The following RABGAP1L variants were observed in gnomAD, a reference collection of about 807,000 sequenced individuals.
RABGAP1L encodes RAB GTPase activating protein 1 like.
A neutral mutation model predicts 137.7 loss-of-function variants in RABGAP1L; 63 were observed. The ratio of observed to expected loss-of-function variants is 0.46; its 90% CI spans 0.37 to 0.56. The LOEUF (loss-of-function observed/expected upper bound fraction) is 0.56. Among genes scored for constraint, RABGAP1L ranks in the 20% least tolerant of loss-of-function variants. The pLI, the probability that RABGAP1L is intolerant of heterozygous loss-of-function variation, is 0.00. For synonymous variants in RABGAP1L, 431 were observed against 433.7 expected (o/e 0.99, Z 0.08); for missense variants, 1,095 against 1,244.0 (o/e 0.88, Z 1.80).
chr1:174,565,581 G>A (rs1384930625), intron 13 of RABGAP1L, among the ~76,000 whole-genome samples: 1 of 152,014 alleles, frequency 6.6e-6, no homozygotes, highest in African/African-American at 2.4e-5. Flanking sequence ...TTAATATTAA[G>A]CTGATTGTCA....
At chr1:174,491,293 T>C (rs924069463) in intron 13 of RABGAP1L, among the ~76,000 whole-genome samples, 1 of 151,924 alleles carries the variant, frequency 6.6e-6, no homozygotes, top group Admixed American at 6.6e-5. Flanking sequence ...GGTGATGGGA[T>C]CTGCCATGAC....
intron 13 of RABGAP1L, among the ~76,000 whole-genome samples, chr1:174,581,097 T>G (rs59323596): frequency 6.6e-6 from 1 of 152,136 alleles, no homozygotes; most frequent in Non-Finnish European, 1.5e-5. Context: ...TGTAGCTGCC[T>G]TGGAAAACAG....
At chr1:174,424,493 C>T (rs933750588) in intron 13 of RABGAP1L, among the ~76,000 whole-genome samples, 1 of 151,996 alleles carries the variant, frequency 6.6e-6, no homozygotes, top group Admixed American at 6.6e-5. Flanking sequence ...ACATTTTCGT[C>T]ATATATATTT....
intron 13 of RABGAP1L, among the ~76,000 whole-genome samples, chr1:174,530,969 A>G (rs1261341570): frequency 1.3e-5 from 2 of 152,182 alleles, no homozygotes; most frequent in African/African-American, 4.8e-5. Flanking sequence ...AGAAAACAGT[A>G]CAGAGAGATA....
chr1:174,517,124 A>G (rs1032211417), intron 13 of RABGAP1L, among the ~76,000 whole-genome samples: 8 of 152,008 alleles, frequency 5.3e-5, no homozygotes, highest in Admixed American at 4.6e-4. Context: ...AAAAGCTCAG[A>G]TACAGACGTG....
chr1:174,187,002 A>T (rs541059841), intron 1 of RABGAP1L, among the ~76,000 whole-genome samples: 117 of 152,210 alleles, frequency 7.7e-4, no homozygotes, highest in Admixed American at 1.7e-3. Context: ...AAATCTACTT[A>T]TCCTTAGGTT....
chr1:174,803,806 C>T (rs941065494), intron 18 of RABGAP1L, among the ~76,000 whole-genome samples: 26 of 152,170 alleles, frequency 1.7e-4, no homozygotes, highest in Non-Finnish European at 5.9e-5. Context: ...AGCGCAGTGG[C>T]TCACGCCTGT....
chr1:174,403,832 A>G (rs897017718), intron 13 of RABGAP1L, among the ~76,000 whole-genome samples: 4 of 151,072 alleles, frequency 2.6e-5, no homozygotes, highest in Non-Finnish European at 4.4e-5. Context: ...GGTGAATATC[A>G]TGGAGTATTT....
intron 18 of RABGAP1L, among the ~76,000 whole-genome samples, chr1:174,801,683 T>G (rs1175723815): frequency 1.3e-5 from 2 of 152,232 alleles, no homozygotes; most frequent in Non-Finnish European, 2.9e-5. Context: ...AAGACATGTG[T>G]TTTAATGTCC....
chr1:174,229,061 G>C lies in RABGAP1L; in HGVS notation c.332-2084G>C, dbSNP rs77733339. On this transcript the variant is annotated intron_variant, in intron 3 of 25. Coordinates refer to ENST00000681986, the MANE Select transcript of RABGAP1L (RefSeq NM_001366446.1). ...AATTCATTATGATGGGGATGGAATT[G>C]GGCGAAGCAATCGTAGATTCATTCA... Among the ~76,000 whole-genome samples, 1,030 of 151,892 alleles carry C rather than the reference G, an allele frequency of 6.8e-3. 9 individuals are homozygous for C. The highest frequency in any genetic ancestry group is 0.011 in the Non-Finnish European group (744 of 67,984).
chr1:174,228,937 T>C (rs1049980304), intron 3 of RABGAP1L, among the ~76,000 whole-genome samples: 4 of 152,104 alleles, frequency 2.6e-5, no homozygotes, highest in African/African-American at 7.2e-5. Flanking sequence ...GAGAATGTTA[T>C]ACTACCTGAT....
At chr1:174,701,027 T>A in intron 16 of RABGAP1L, 1 of 1,293,106 alleles carries the variant, frequency 7.7e-7, no homozygotes, top group South Asian at 1.3e-5. Flanking sequence ...AATGGGCACA[T>A]TTGGCTATTT....
intron 14 of RABGAP1L, among the ~76,000 whole-genome samples, chr1:174,643,128 C>T (rs1439163427): frequency 6.6e-6 from 1 of 152,076 alleles, no homozygotes; most frequent in Non-Finnish European, 1.5e-5. Context: ...AAGCGCTCCT[C>T]CTACTTCTGT....
chr1:174,618,214 G>C (rs1028717190), intron 13 of RABGAP1L, among the ~76,000 whole-genome samples: 12 of 152,178 alleles, frequency 7.9e-5, no homozygotes, highest in African/African-American at 2.7e-4. Context: ...CCACCTCTGG[G>C]GGCACAGCAT....
At chr1:174,470,720 TG>T (rs1558261957) in intron 13 of RABGAP1L, among the ~76,000 whole-genome samples, 1 of 152,020 alleles carries the variant, frequency 6.6e-6, no homozygotes, top group Non-Finnish European at 1.5e-5. Flanking sequence ...TGAGCCAAGA[TG>T]GCGGCATTGC....
chr1:174,618,154 C>G (rs1004065169), intron 13 of RABGAP1L, among the ~76,000 whole-genome samples: 15 of 152,176 alleles, frequency 9.9e-5, no homozygotes, highest in Admixed American at 3.3e-4. Flanking sequence ...GAAGCTCGAA[C>G]TGAGTGGAGC....
At chr1:174,597,127 G>T (rs1031813751) in intron 13 of RABGAP1L, among the ~76,000 whole-genome samples, 3 of 152,070 alleles carry the variant, frequency 2.0e-5, no homozygotes, top group Non-Finnish European at 4.4e-5. Context: ...CTAGTATTTT[G>T]TTGAGGATTT....
chr1:174,807,977 T>G (rs75240802), intron 18 of RABGAP1L, among the ~76,000 whole-genome samples: 1 of 96,494 alleles, frequency 1.0e-5, no homozygotes, highest in Non-Finnish European at 2.3e-5. Context: ...AACAACAAAT[T>G]CTTTTTTTTT....
chr1:174,241,401 TAAA>T, intron 4 of RABGAP1L, 79 bp from the exon 5 acceptor site: 1 of 721,628 alleles, frequency 1.4e-6, no homozygotes. Context: ...TCTTTTTTTT[TAAA>T]AAAAAAAACC....
Sources: allele counts gnomAD v4.1 joint callset (sites outside exome capture counted in the v4.1 genomes callset), GRCh38; gene constraint gnomAD v4.1.1; transcripts MANE v1.5; gene names NCBI Gene and HGNC (gene_info 2026-07-23, HGNC 2026-07-21).